The following IPO8 variants were observed in gnomAD, a reference collection of about 807,000 sequenced individuals.
IPO8 encodes the protein importin-8.
A neutral mutation model predicts 141.2 loss-of-function variants in IPO8; 65 were observed. The ratio of observed to expected loss-of-function variants is 0.46; its 90% CI spans 0.38 to 0.57. The LOEUF (loss-of-function observed/expected upper bound fraction) is 0.57. IPO8 is among the 20% of genes least tolerant of loss of function. IPO8 has a pLI of 0.00. For missense variants in IPO8, 980 were observed against 1,246.8 expected (o/e 0.79, Z 3.22); for synonymous variants, 411 against 420.3 (o/e 0.98, Z 0.27).
chr12:30,638,893 G>C (rs749335317), intron 21 of IPO8, among the ~76,000 whole-genome samples: 4 of 152,024 alleles, frequency 2.6e-5, no homozygotes, highest in African/African-American at 9.7e-5. Flanking sequence ...GAATGGTCTC[G>C]ATCTCCTGAC....
intron 16 of IPO8, among the ~76,000 whole-genome samples, chr12:30,658,392 A>G (rs1265504859): frequency 6.6e-6 from 1 of 152,218 alleles, no homozygotes; most frequent in African/African-American, 2.4e-5. Flanking sequence ...GTAATTATTC[A>G]TGGCCTTGGT....
Position 30,665,073 on chromosome 12 carries a change from T to C in IPO8, c.1428+147A>G, listed in dbSNP as rs189290931. ...TTTTTCTTTAATAGTCTGTCCTTTA[T>C]TCAGCTGATGTGACCATAGGCAGAC... On this transcript the variant is annotated intron_variant, in intron 13 of 24. Coordinates refer to ENST00000256079, the MANE Select transcript of IPO8 (RefSeq NM_006390.4). 377 of 588,304 alleles carry C rather than the reference T, an allele frequency of 6.4e-4. 1 individual carries two copies. In the African/African-American group the frequency reaches 6.6e-3, roughly 10 times the overall value. 36.4% of individuals were successfully genotyped at this position (588,304 alleles called of 1,614,324 possible). A position where few individuals can be genotyped will look rare whatever the true frequency, so the allele number is the denominator to read the frequency against.
At chr12:30,675,675 C>CA (rs1354263618) in intron 6 of IPO8, among the ~76,000 whole-genome samples, 79 of 145,366 alleles carry the variant, frequency 5.4e-4, no homozygotes, top group East Asian at 1.6e-3. Context: ...AAAAAAAAAA[C>CA]AAAAAAAACA....
At chr12:30,663,730 T>C (rs935288844) in intron 13 of IPO8, 76 bp from the exon 14 acceptor site, 35 of 1,122,482 alleles carry the variant, frequency 3.1e-5, no homozygotes, top group Non-Finnish European at 4.1e-5. Context: ...ATATAAGAAC[T>C]TCTTAGTAAA....
chr12:30,643,394 T>C (rs985821201), intron 20 of IPO8, among the ~76,000 whole-genome samples: 52 of 152,190 alleles, frequency 3.4e-4, no homozygotes, highest in African/African-American at 1.2e-3. Context: ...CTTGAGTGCA[T>C]TGTAATGGTA....
chr12:30,643,744 G>A (rs375724040), intron 20 of IPO8, among the ~76,000 whole-genome samples: 5 of 152,182 alleles, frequency 3.3e-5, no homozygotes, highest in African/African-American at 4.8e-5. Context: ...TTGCCCCTTC[G>A]CATACATCCA....
intron 5 of IPO8, among the ~76,000 whole-genome samples, chr12:30,677,715 A>T (rs79103570): frequency 2.6e-5 from 4 of 152,048 alleles, no homozygotes; most frequent in Admixed American, 6.5e-5. Context: ...AAAAAGTTTG[A>T]AAAAAAATAA....
intron 2 of IPO8, among the ~76,000 whole-genome samples, chr12:30,688,027 G>A (rs910638615): frequency 1.4e-4 from 22 of 151,796 alleles, no homozygotes; most frequent in African/African-American, 3.9e-4. Context: ...TCTCCTTCTC[G>A]TAGCAACTCC....
intron 23 of IPO8, 35 bp from the exon 24 acceptor site, chr12:30,632,046 C>A (rs1268205140): frequency 7.3e-7 from 1 of 1,373,152 alleles, no homozygotes; most frequent in East Asian, 2.3e-5. Flanking sequence ...CAGGAGGGTA[C>A]AGCGACTATT....
In IPO8 at chr12:30,682,922, G is replaced by T. The variant is rs147829730; in HGVS notation, c.324-1105C>A. 4.6e-3 allele frequency among the ~76,000 whole-genome samples: 698 copies of T among 152,096 alleles called. 4 individuals are homozygous for T. The highest frequency in any genetic ancestry group is 0.015 in the African/African-American group (625 of 41,506). On this transcript the variant is annotated intron_variant, in intron 3 of 24. Transcript: ENST00000256079. ...TAATTAAGCCTTAAGGACATAAAAG[G>T]AGCAAAGCCACAGAGAACCGTCCCG...
chr12:30,669,709 T>C (rs2053021858), intron 9 of IPO8, among the ~76,000 whole-genome samples: 1 of 151,186 alleles, frequency 6.6e-6, no homozygotes, highest in African/African-American at 2.4e-5. Context: ...AGGGCTGCAG[T>C]GAGCCATGAT....
At chr12:30,663,897 A>C (rs1257620723) in intron 13 of IPO8, among the ~76,000 whole-genome samples, 1 of 152,210 alleles carries the variant, frequency 6.6e-6, no homozygotes, top group African/African-American at 2.4e-5. Context: ...AAGAAGCCAA[A>C]TATGTCTTTG....
At chr12:30,671,380 T>C (rs1395044571) in intron 8 of IPO8, among the ~76,000 whole-genome samples, 1 of 152,098 alleles carries the variant, frequency 6.6e-6, no homozygotes, top group African/African-American at 2.4e-5. Context: ...TTTAAAAAAT[T>C]ACAATAACAG....
In IPO8 at chr12:30,670,953, G is replaced by C; in HGVS notation, c.1044+9C>G. 1 of 1,606,356 alleles carries C rather than the reference G, an allele frequency of 6.2e-7. No homozygotes were observed. Among genetic ancestry groups the C allele is most frequent in the Non-Finnish European group, 8.5e-7 (1 of 1,176,242 alleles). ...GAATAATTTTGGAGAGCTGCTCTCT[G>C]ACACTAACCTGTATGTGTGGCTTCA... is the stretch of plus-strand genomic sequence containing the variant. On this transcript the variant is annotated intron_variant, in intron 9 of 24. Transcript: ENST00000256079.
At chr12:30,684,794 T>C (rs912730034) in intron 2 of IPO8, among the ~76,000 whole-genome samples, 3 of 152,178 alleles carry the variant, frequency 2.0e-5, no homozygotes, top group Non-Finnish European at 4.4e-5. Flanking sequence ...ACAGGTAAAG[T>C]TCTACTTTCC....
intron 12 of IPO8, 69 bp downstream of exon 12, chr12:30,665,660 C>A: frequency 2.0e-6 from 2 of 980,808 alleles, no homozygotes; most frequent in South Asian, 1.4e-5. Context: ...TTAGCCATAA[C>A]TTTCATATTC....
chr12:30,680,857 A>G (rs1424560396), intron 4 of IPO8, among the ~76,000 whole-genome samples: 1 of 152,228 alleles, frequency 6.6e-6, no homozygotes, highest in Non-Finnish European at 1.5e-5. Context: ...GGAAAGATTT[A>G]GACTAGTTTA....
At chr12:30,693,963 G>A (rs1165448100) in intron 1 of IPO8, among the ~76,000 whole-genome samples, 1 of 152,126 alleles carries the variant, frequency 6.6e-6, no homozygotes, top group Non-Finnish European at 1.5e-5. Context: ...ATGTCTCCTA[G>A]TTCTGCAGGC....
rs778873120 is a variant in IPO8 at position 30,653,072 on chromosome 12, A to G, written c.1969T>C (p.Ser657Pro). Residue 657 changes from serine to proline, a missense_variant, in exon 18 of 25, where the codon TCC becomes CCC. By Grantham distance (74) the Ser-to-Pro change is moderately conservative. This residue lies in a region of IPO8 where 924 missense variants were observed against 1,153.9 expected (regional missense o/e 0.80). Coordinates refer to ENST00000256079, the MANE Select transcript of IPO8 (RefSeq NM_006390.4). ...HVIEFYEEIL[S>P]LAYSLTCHSI... ...TGGCAGGTTAAACTGTATGCCAGGGAAAGAATTTCTTCATAGAATTCTAGA... is the reference window on the plus strand; with the variant it reads ...TGGCAGGTTAAACTGTATGCCAGGGGAAGAATTTCTTCATAGAATTCTAGA... 16 of 1,608,898 alleles carry G rather than the reference A, an allele frequency of 9.9e-6. No homozygotes were observed. The highest frequency in any genetic ancestry group is 1.4e-5 in the Non-Finnish European group (16 of 1,178,088).
Sources: allele counts gnomAD v4.1 joint callset (sites outside exome capture counted in the v4.1 genomes callset), GRCh38; gene constraint gnomAD v4.1.1; regional missense constraint gnomAD v4.1.1; transcripts MANE v1.5; gene names NCBI Gene and HGNC (gene_info 2026-07-23, HGNC 2026-07-21).